The following GRIN2D variants were observed in gnomAD, a reference collection of about 807,000 sequenced individuals.
GRIN2D encodes the protein glutamate ionotropic receptor NMDA type subunit 2D.
In GRIN2D, 37 loss-of-function variants were observed where a neutral mutation model predicts 103.2. The observed-to-expected ratio is 0.36, with a 90% CI of 0.28 to 0.47. The LOEUF is 0.47. Among genes scored for constraint, GRIN2D ranks in the 20% least tolerant of loss-of-function variants. The probability of loss-of-function intolerance (pLI) is 1.00; values close to 1 mark genes in which losing one functional copy is unlikely to be tolerated. For missense variants in GRIN2D, 1,557 were observed against 1,910.6 expected, an observed-to-expected ratio of 0.81 and a Z score of 3.45; for synonymous variants, 845 against 885.6, an observed-to-expected ratio of 0.95 and a Z score of 0.81.
At position 48,443,496 on chromosome 19, in the gene GRIN2D, G is replaced by C; in HGVS notation, c.3570G>C (p.Pro1190=). Residue 1190 remains proline (P), a synonymous_variant, in exon 14 of 14, where the codon CCG becomes CCC. Transcript: ENST00000263269. The surrounding 1 kb of genome is among the most constrained non-coding windows in gnomAD (Gnocchi z 8.9). The stretch of plus-strand genomic sequence containing the variant: ...ACTGCGCCAGCCTGGAGCTGCTGCC[G>C]CCGCCGCGCCATCTCAGCTGCTCGC... ...CRHCASLELL[P]PPRHLSCSHD... 2.2e-6 allele frequency: 3 copies of C among 1,358,062 alleles called. No homozygotes were observed. The highest frequency in any genetic ancestry group is 2.8e-6 in the Non-Finnish European group (3 of 1,055,782). 84.1% of individuals were successfully genotyped at this position (1,358,062 alleles called of 1,614,324 possible).
chr19:48,413,077 A>G (rs142740641), intron 4 of GRIN2D, among the ~76,000 whole-genome samples: 6,849 of 147,302 alleles, frequency 0.046, 518 homozygotes, highest in African/African-American at 0.16. Context: ...CGGAGGTTGC[A>G]GTGAGCCGAG....
intron 8 of GRIN2D, 59 bp from the exon 9 acceptor site, chr19:48,419,175 G>T (rs1970984093): frequency 6.4e-7 from 1 of 1,555,670 alleles, no homozygotes. Context: ...CACCGCCCCA[G>T]CCTGATCCCC....
chr19:48,441,092 C>T lies in GRIN2D; in HGVS notation c.2253-677C>T, dbSNP rs141791499. ...ATTAACAGTCACAGCTGGCCAGGTG[C>T]GGTTGCTCACGCCTGTAATCTCAGC... On this transcript the variant is annotated intron_variant, in intron 11 of 13. Coordinates refer to ENST00000263269, the MANE Select transcript of GRIN2D (RefSeq NM_000836.4). 1.4e-4 allele frequency among the ~76,000 whole-genome samples: 21 copies of T among 152,052 alleles called. No individual in the cohort carries two copies. In the East Asian group the frequency reaches 4.1e-3, roughly 29 times the overall value.
chr19:48,443,201 C>G lies in GRIN2D; in HGVS notation c.3275C>G (p.Ala1092Gly). 2 of 1,222,486 alleles carry G rather than the reference C, an allele frequency of 1.6e-6. No homozygotes were observed. The highest frequency in any genetic ancestry group is 2.1e-6 in the Non-Finnish European group (2 of 969,982). The allele number at this position is 1,222,486 out of a possible 1,614,324, so 75.7% of individuals were successfully genotyped here. Residue 1092 changes from alanine (A) to glycine (G), a missense_variant, in exon 14 of 14, where the codon GCT (alanine) becomes GGT (glycine). Transcript: ENST00000263269. This position sits in a 1 kb window ranked among gnomAD's most constrained non-coding sequence, Gnocchi z 8.9. ...TGGAGGGAPAAPPPCRAAPPP... is the reference protein window; with the variant it reads ...TGGAGGGAPAGPPPCRAAPPP... ...GGCGCAGGCGGAGGAGCCCCGGCCG[C>G]TCCGCCCCCGTGCCGCGCCGCGCCG...
Position 48,444,029 on chromosome 19 carries a change from A to C in GRIN2D, c.*92A>C. The C allele has an allele frequency of 1.1e-6, 1 of 881,346 alleles. No individual in the cohort carries two copies. Among genetic ancestry groups the C allele is most frequent in the Non-Finnish European group, 1.6e-6 (1 of 640,148 alleles). 54.6% of individuals were successfully genotyped at this position (881,346 alleles called of 1,614,324 possible). On this transcript the variant is annotated 3_prime_UTR_variant, in exon 14 of 14. Transcript: ENST00000263269. This position sits in a 1 kb window ranked among gnomAD's most constrained non-coding sequence, Gnocchi z 5.5. ...TGGACAGGACCCGCGTGGGTTGGGA[A>C]GGAAAGCAGTGGAACTGGCCGGACC...
intron 11 of GRIN2D, among the ~76,000 whole-genome samples, chr19:48,427,423 C>A (rs547068411): frequency 6.6e-6 from 1 of 151,946 alleles, no homozygotes; most frequent in African/African-American, 2.4e-5. Context: ...TGTTCCATAT[C>A]CTTCTTGCCT....
At position 48,421,750 on chromosome 19, in the gene GRIN2D, G is replaced by A. The variant is rs754428395; in HGVS notation, c.2092-35G>A. On this transcript the variant is annotated intron_variant, in intron 10 of 13. Coordinates refer to ENST00000263269, the MANE Select transcript of GRIN2D (RefSeq NM_000836.4). The surrounding 1 kb of genome is among the most constrained non-coding windows in gnomAD (Gnocchi z 4.8). Reference sequence around the variant, plus strand: ...TGATTTATGTTAGGGATGTCCCTGCGGAGGGTGCCCTAATCACTCCCCATT... The same window carrying A: ...TGATTTATGTTAGGGATGTCCCTGCAGAGGGTGCCCTAATCACTCCCCATT... 6.9e-6 allele frequency: 11 copies of A among 1,594,022 alleles called. No homozygotes were observed. Among genetic ancestry groups the A allele is most frequent in the Admixed American group, 1.7e-5 (1 of 58,190 alleles).
intron 10 of GRIN2D, among the ~76,000 whole-genome samples, chr19:48,420,686 C>A (rs1384771424): frequency 6.6e-6 from 1 of 151,728 alleles, no homozygotes; most frequent in Non-Finnish European, 1.5e-5. Context: ...ATTAGCCAGG[C>A]GTGGTAGTGG....
At chr19:48,432,985 T>G (rs1368401004) in intron 11 of GRIN2D, among the ~76,000 whole-genome samples, 1 of 146,136 alleles carries the variant, frequency 6.8e-6, no homozygotes, top group African/African-American at 2.5e-5. Context: ...GAGGTGGGGT[T>G]TCACCATGTT....
At chr19:48,436,941 G>A (rs1971239920) in intron 11 of GRIN2D, among the ~76,000 whole-genome samples, 2 of 152,144 alleles carry the variant, frequency 1.3e-5, no homozygotes, top group Non-Finnish European at 2.9e-5. Flanking sequence ...CACTCTGAGT[G>A]ACGAGGGGAG....
rs2147476662 is a variant in GRIN2D, at chr19:48,443,022, G to C, written c.3096G>C (p.Ala1032=). The stretch of plus-strand genomic sequence containing the variant: ...TCCCCGGCTTCCCGTCGCCGCCCGC[G>C]CCCCCCGCCGCCGCGGCCACCGCCG... ...GAFPGFPSPP[A]PPAAAATAVG... Residue 1032 remains alanine (A), a synonymous_variant, in exon 14 of 14, where the codon GCG becomes GCC. Coordinates refer to ENST00000263269, the MANE Select transcript of GRIN2D (RefSeq NM_000836.4). The surrounding 1 kb of genome is among the most constrained non-coding windows in gnomAD (Gnocchi z 8.9). The C allele has an allele frequency of 7.6e-6, 8 of 1,047,180 alleles. No individual in the cohort carries two copies. Among genetic ancestry groups the C allele is most frequent in the Admixed American group, 5.7e-5 (1 of 17,500 alleles). The allele number at this position is 1,047,180 out of a possible 1,614,324, so 64.9% of individuals were successfully genotyped here.
intron 11 of GRIN2D, among the ~76,000 whole-genome samples, chr19:48,430,481 G>A (rs1971142059): frequency 6.6e-6 from 1 of 151,208 alleles, no homozygotes; most frequent in Non-Finnish European, 1.5e-5. Context: ...TTACAGGCGG[G>A]AGCCATAGCT....
chr19:48,412,421 AAAAGAAAGAAAG>A (rs57100057), intron 4 of GRIN2D, among the ~76,000 whole-genome samples: 6,707 of 123,354 alleles, frequency 0.054, 255 homozygotes, highest in African/African-American at 0.094. Flanking sequence ...AAAGAGAAAG[AAAAGAAAGAAAG>A]AAAGAAAGAA....
chr19:48,434,723 C>T (rs1190525243), intron 11 of GRIN2D, among the ~76,000 whole-genome samples: 1 of 151,904 alleles, frequency 6.6e-6, no homozygotes, highest in Non-Finnish European at 1.5e-5. Flanking sequence ...CTTGAGTGAC[C>T]ACTCCCTACC....
chr19:48,405,243 C>T lies in GRIN2D; in HGVS notation c.975C>T (p.Ala325=), dbSNP rs758926779. ...DLARRVAAGV[A]VVARGAQALL... ...CTCGGCGAGTGGCAGCTGGCGTGGCCGTAGTGGCCAGAGGTGCCCAGGCCC... is the reference window on the plus strand; with the variant it reads ...CTCGGCGAGTGGCAGCTGGCGTGGCTGTAGTGGCCAGAGGTGCCCAGGCCC... Residue 325 remains alanine, a synonymous_variant, in exon 4 of 14, where the codon GCC becomes GCT. Transcript: ENST00000263269. The surrounding 1 kb of genome is among the most constrained non-coding windows in gnomAD (Gnocchi z 5.1). The T allele has an allele frequency of 2.5e-6, 4 of 1,597,852 alleles. No individual in the cohort carries two copies. Among genetic ancestry groups the T allele is most frequent in the South Asian group, 1.1e-5 (1 of 90,018 alleles).
chr19:48,408,142 G>A (rs545458220), intron 4 of GRIN2D, among the ~76,000 whole-genome samples: 48 of 152,116 alleles, frequency 3.2e-4, no homozygotes, highest in Non-Finnish European at 6.5e-4. Context: ...AGACCATCCT[G>A]GCTAACAGGG....
rs775980770 is a variant in GRIN2D at position 48,441,937 on chromosome 19, G to A, written c.2421G>A (p.Leu807=). Residue 807 remains leucine, a synonymous_variant, in exon 12 of 14, where the codon TTG becomes TTA. Transcript: ENST00000263269. ...SRWKRPIDLA[L]LQFLGDDEIE... ...GGAAGCGGCCCATCGACCTGGCGTT[G>A]CTGCAGTTCCTGGGGGATGGTGCGG... 1.2e-6 allele frequency: 2 copies of A among 1,608,214 alleles called. No homozygotes were observed. The highest frequency in any genetic ancestry group is 4.5e-5 in the East Asian group (2 of 44,824).
At chr19:48,427,365 T>C (rs1281595755) in intron 11 of GRIN2D, among the ~76,000 whole-genome samples, 1 of 98,018 alleles carries the variant, frequency 1.0e-5, no homozygotes, top group Admixed American at 1.2e-4. Context: ...AAATCCAAAG[T>C]GGTTGTACCA....
chr19:48,432,532 G>A (rs950026240), intron 11 of GRIN2D, among the ~76,000 whole-genome samples: 4 of 151,744 alleles, frequency 2.6e-5, no homozygotes, highest in Admixed American at 6.6e-5. Flanking sequence ...AGGCTAGAGT[G>A]CAGTGAGGCA....
Sources: gnomAD v4.1 joint callset for allele counts (sites outside exome capture counted in the v4.1 genomes callset) on GRCh38, gnomAD v4.1.1 for gene constraint, Gnocchi (gnomAD v3.1) non-coding constraint, MANE v1.5 for transcripts, NCBI Gene and HGNC (gene_info 2026-07-23, HGNC 2026-07-21) for gene names.